Variants in TMEM200C observed in about 807,000 individuals in gnomAD.
TMEM200C encodes transmembrane protein 200C.
For synonymous variants in TMEM200C, 462 were observed against 324.7 expected (o/e 1.42, Z -4.55); for missense variants, 966 against 699.9 (o/e 1.38, Z -4.29).
chr18:5,886,713 A>G (rs781291342), exon 3 of TMEM200C: 11 of 152,154 alleles, frequency 7.2e-5, no homozygotes, highest in Non-Finnish European at 1.3e-4. Context: ...CCTCATTTAA[A>G]TAATTAATTC....
In TMEM200C at chr18:5,891,078, C is replaced by A; in HGVS notation, c.986G>T (p.Arg329Leu). 5.6e-6 allele frequency: 3 copies of A among 533,934 alleles called. No homozygotes were observed. The East Asian group carries it at 1.0e-4, about 19-fold the overall frequency. 33.1% of individuals were successfully genotyped at this position (533,934 alleles called of 1,614,324 possible). A position where few individuals can be genotyped will look rare whatever the true frequency, so the allele number is the denominator to read the frequency against. Residue 329 changes from arginine to leucine, a missense_variant, in exon 3 of 3, where the codon CGC becomes CTC. By Grantham distance (102) the Arg-to-Leu change is moderately radical. Coordinates refer to ENST00000581347, the Ensembl canonical transcript of TMEM200C. The surrounding 1 kb of genome is among the most constrained non-coding windows in gnomAD (Gnocchi z 4.7). ...CCGGCGACTGCCTGCCACGCCCGAG[C>A]GCTCGCGGTAGACGCTGTACACGGC...
At chr18:5,885,327 CA>C (rs1175328645) in exon 3 of TMEM200C, 1 of 152,164 alleles carries the variant, frequency 6.6e-6, no homozygotes, top group Non-Finnish European at 1.5e-5. Flanking sequence ...TACTTTGTAA[CA>C]CTCCAGGAGA....
exon 3 of TMEM200C, chr18:5,890,518 G>A (rs760055777): frequency 5.6e-5 from 84 of 1,512,860 alleles, no homozygotes; most frequent in Non-Finnish European, 6.7e-5. Context: ...CTGGTGGGGG[G>A]CGAGCCCTCC....
chr18:5,882,248 T>G (rs1010631071), exon 3 of TMEM200C: 1 of 152,184 alleles, frequency 6.6e-6, no homozygotes, highest in Non-Finnish European at 1.5e-5. Context: ...CCCTTTATTT[T>G]TTTTTGCTAT....
exon 3 of TMEM200C, chr18:5,890,652 C>A: frequency 1.4e-6 from 1 of 719,680 alleles, no homozygotes; most frequent in Non-Finnish European, 1.9e-6. Flanking sequence ...CCCGCTGGTG[C>A]TGCGGCGCCG....
At chr18:5,888,150 A>G (rs2095166806) in exon 3 of TMEM200C, 1 of 152,182 alleles carries the variant, frequency 6.6e-6, no homozygotes, top group Non-Finnish European at 1.5e-5. Flanking sequence ...CCCAGTACCC[A>G]AGGTAATGGA....
chr18:5,892,641 C>A (rs2095172409), intron 2 of TMEM200C, among the ~76,000 whole-genome samples: 1 of 152,190 alleles, frequency 6.6e-6, no homozygotes. Flanking sequence ...GCTGGGGAAT[C>A]TGTCAATGTG....
chr18:5,885,191 G>A (rs1353143653), exon 3 of TMEM200C: 5 of 150,270 alleles, frequency 3.3e-5, no homozygotes, highest in East Asian at 1.9e-4. Flanking sequence ...TTTTTCTTTC[G>A]GCAGGATGCT....
exon 3 of TMEM200C, chr18:5,889,766 A>G (rs7190): frequency 0.48 from 73,165 of 152,898 alleles, 21,471 homozygotes; most frequent in Non-Finnish European, 0.66. Context: ...AGGAATGGAG[A>G]AAAAAGCCTG....
Position 5,891,376 on chromosome 18 carries a change from CG to C in TMEM200C, c.687del (p.Ala230ProfsTer32). On this transcript the variant is annotated frameshift_variant, in exon 3 of 3. Transcript: ENST00000581347. LOFTEE classifies it low-confidence loss of function (END_TRUNC). This position sits in a 1 kb window ranked among gnomAD's most constrained non-coding sequence, Gnocchi z 4.7. ...GCGGGGGCAGACGACGACGAAGAGG[CG>C]GCGGCGGCCGCGGCGGCGGCCGCGG... is the stretch of plus-strand genomic sequence containing the variant. 7.6e-7 allele frequency: 1 copy of C among 1,311,248 alleles called. No individual in the cohort carries two copies. The highest frequency in any genetic ancestry group is 9.6e-7 in the Non-Finnish European group (1 of 1,036,338). 81.2% of individuals were successfully genotyped at this position (1,311,248 alleles called of 1,614,324 possible). A position where few individuals can be genotyped will look rare whatever the true frequency, so the allele number is the denominator to read the frequency against.
At chr18:5,883,020 A>T (rs2095162870) in exon 3 of TMEM200C, 1 of 146,216 alleles carries the variant, frequency 6.8e-6, no homozygotes, top group South Asian at 2.1e-4. Flanking sequence ...TAACCACAGC[A>T]CTTTATCTAC....
chr18:5,890,205 C>T (rs777772875), exon 3 of TMEM200C: 4 of 1,546,650 alleles, frequency 2.6e-6, no homozygotes, highest in African/African-American at 1.4e-5. Flanking sequence ...TCTCTAAATG[C>T]CTGTGCTTTC....
chr18:5,883,351 C>T (rs1477309338), exon 3 of TMEM200C: 1 of 151,702 alleles, frequency 6.6e-6, no homozygotes, highest in Admixed American at 6.6e-5. Flanking sequence ...GGTTTTTTGC[C>T]TGTATCTTTT....
exon 3 of TMEM200C, chr18:5,890,703 T>C (rs1448295021): frequency 4.0e-6 from 2 of 493,996 alleles, no homozygotes; most frequent in African/African-American, 4.1e-5. Context: ...GCGGCCGCCC[T>C]GCCCCCTGGC....
rs769565228 is a variant in TMEM200C, at chr18:5,891,810, C to A, written c.254G>T (p.Gly85Val). ...GCCCGCAGGCGGCAGCTGCTTACCCCCCTCCCGATTGGTCCCGGTGGCCTT... is the reference window on the plus strand; with the variant it reads ...GCCCGCAGGCGGCAGCTGCTTACCCACCTCCCGATTGGTCCCGGTGGCCTT... The change falls in exon 3 of 3, where the codon GGG (glycine) becomes GTG (valine). Residue 85 changes from glycine to valine, a missense_variant. Coordinates refer to ENST00000581347, the Ensembl canonical transcript of TMEM200C. The surrounding 1 kb of genome is among the most constrained non-coding windows in gnomAD (Gnocchi z 4.7). 58 of 1,604,714 alleles carry A rather than the reference C, an allele frequency of 3.6e-5. No individual in the cohort carries two copies. The highest frequency in any genetic ancestry group is 4.7e-5 in the Non-Finnish European group (55 of 1,177,114).
chr18:5,895,456 G>C (rs2095175160), exon 2 of TMEM200C: 1 of 150,160 alleles, frequency 6.7e-6, no homozygotes, highest in African/African-American at 2.4e-5. Flanking sequence ...GCGGCGGCTC[G>C]GGGCGGCCGG....
chr18:5,890,738 G>C (rs1216829438), exon 3 of TMEM200C: 8 of 573,984 alleles, frequency 1.4e-5, no homozygotes, highest in African/African-American at 2.0e-5. Context: ...CCGCGCCCTC[G>C]GGCTCCTCCG....
chr18:5,891,411 AG>A lies in TMEM200C; in HGVS notation c.652del (p.Leu218TrpfsTer44). 3.0e-6 allele frequency: 4 copies of A among 1,350,276 alleles called. No homozygotes were observed. Among genetic ancestry groups the A allele is most frequent in the Non-Finnish European group, 3.9e-6 (4 of 1,037,332 alleles). The allele number at this position is 1,350,276 out of a possible 1,614,324, so 83.6% of individuals were successfully genotyped here. Reference sequence around the variant, plus strand: ...CGCGGCGGCGGCCGCGGCGGCCGCCAGGTCTTTGGCGCGGAGGCTGTGCACG... The same window carrying A: ...CGCGGCGGCGGCCGCGGCGGCCGCCAGTCTTTGGCGCGGAGGCTGTGCACG... On this transcript the variant is annotated frameshift_variant, in exon 3 of 3. Transcript: ENST00000581347. LOFTEE classifies it low-confidence loss of function (END_TRUNC). This position sits in a 1 kb window ranked among gnomAD's most constrained non-coding sequence, Gnocchi z 4.7.
exon 3 of TMEM200C, chr18:5,885,549 A>AT (rs886721899): frequency 6.6e-6 from 1 of 152,226 alleles, no homozygotes; most frequent in Admixed American, 6.5e-5. Flanking sequence ...GATGGCTGGC[A>AT]TTTGTAACTC....
Sources: gnomAD v4.1 joint callset for allele counts (sites outside exome capture counted in the v4.1 genomes callset) on GRCh38, gnomAD v4.1.1 for gene constraint, Gnocchi (gnomAD v3.1) non-coding constraint, MANE v1.5 for transcripts, NCBI Gene and HGNC (gene_info 2026-07-23, HGNC 2026-07-21) for gene names.